FAM135A: variants seen among roughly 807,000 people sequenced by gnomAD.
FAM135A encodes family with sequence similarity 135 member A.
FAM135A carries 79 observed loss-of-function variants against 146.8 expected under a neutral mutation model. The observed-to-expected ratio is 0.54, with a 90% CI of 0.45 to 0.65. The LOEUF (loss-of-function observed/expected upper bound fraction) is 0.65. FAM135A is among the 30% of genes least tolerant of loss of function. FAM135A has a pLI of 0.00. For missense variants in FAM135A, 1,623 were observed against 1,758.2 expected (o/e 0.92, Z 1.38); for synonymous variants, 562 against 603.6 (o/e 0.93, Z 1.01).
In FAM135A at chr6:70,475,520, A is replaced by G. The variant is rs576387755; in HGVS notation, c.268A>G (p.Lys90Glu). Residue 90 changes from lysine to glutamate, a missense_variant, in exon 6 of 22, where the codon AAA becomes GAA. Around this residue, in one of 7 missense-constraint regions of FAM135A, gnomAD observed 171 missense variants for 164.9 expected, o/e 1.04. Coordinates refer to ENST00000418814, the MANE Select transcript of FAM135A (RefSeq NM_001162529.3). Reference protein sequence around the residue: ...EVVLNDVMIFKVKMLLDERKI... With the variant: ...EVVLNDVMIFEVKMLLDERKI... ...TGTTTTAAATGATGTTATGATCTTC[A>G]AAGTAAAAATGCTATTGGATGAAAG... 38 of 1,600,566 alleles carry G rather than the reference A, an allele frequency of 2.4e-5. No homozygotes were observed. In the South Asian group the frequency reaches 4.0e-4, roughly 17 times the overall value.
intron 16 of FAM135A, among the ~76,000 whole-genome samples, chr6:70,532,658 C>G (rs569582117): frequency 1.1e-4 from 16 of 152,326 alleles, no homozygotes; most frequent in African/African-American, 3.4e-4. Flanking sequence ...GTTGGCCAGG[C>G]ACGGTGGCTC....
intron 12 of FAM135A, among the ~76,000 whole-genome samples, chr6:70,519,495 T>A (rs1793059579): frequency 6.6e-6 from 1 of 152,216 alleles, no homozygotes; most frequent in African/African-American, 2.4e-5. Context: ...CTGCATCACA[T>A]GCTAAGGAGA....
intron 12 of FAM135A, among the ~76,000 whole-genome samples, chr6:70,508,252 C>T (rs1048352902): frequency 3.9e-5 from 6 of 152,154 alleles, no homozygotes; most frequent in African/African-American, 1.4e-4. Flanking sequence ...CTAATACGAG[C>T]ATCCTTGAAA....
chr6:70,545,705 A>T (rs928845999), intron 20 of FAM135A, among the ~76,000 whole-genome samples: 1 of 152,230 alleles, frequency 6.6e-6, no homozygotes, highest in African/African-American at 2.4e-5. Context: ...GCTAATACAC[A>T]TGTAACATTT....
In FAM135A at chr6:70,435,434, A is replaced by G. The variant is rs192304312; in HGVS notation, c.77+7015A>G. 2.8e-3 allele frequency among the ~76,000 whole-genome samples: 428 copies of G among 152,256 alleles called. 4 individuals are homozygous for G. The highest frequency in any genetic ancestry group is 2.3e-3 in the Non-Finnish European group (156 of 68,010). On this transcript the variant is annotated intron_variant, in intron 4 of 21. Transcript: ENST00000418814. ...AATTACATTCTTAAATTTTAGTAACATCACAAAACCATGGAACTTAAATCC... is the reference window on the plus strand; with the variant it reads ...AATTACATTCTTAAATTTTAGTAACGTCACAAAACCATGGAACTTAAATCC...
chr6:70,489,394 C>G lies in FAM135A; in HGVS notation c.824-1640C>G, dbSNP rs184087552. Among the ~76,000 whole-genome samples the G allele has an allele frequency of 5.0e-3, 723 of 144,012 alleles. 3 individuals are homozygous for G. Among genetic ancestry groups the G allele is most frequent in the Non-Finnish European group, 8.2e-3 (537 of 65,828 alleles). 94.5% of individuals were successfully genotyped at this position (144,012 alleles called of 152,430 possible). On this transcript the variant is annotated intron_variant, in intron 10 of 21. Coordinates refer to ENST00000418814, the MANE Select transcript of FAM135A (RefSeq NM_001162529.3). ...TTTGGTATATATCAATATCTAAATA[C>G]AATTTACTTGTATATTTTGTGAGTT...
chr6:70,525,048 G>T lies in FAM135A; in HGVS notation c.1964G>T (p.Arg655Ile). 6.3e-7 allele frequency: 1 copy of T among 1,592,438 alleles called. No homozygotes were observed. Among genetic ancestry groups the T allele is most frequent in the Admixed American group, 1.8e-5 (1 of 55,548 alleles). Residue 655 changes from arginine to isoleucine, a missense_variant, in exon 15 of 22, where the codon AGA becomes ATA. By Grantham distance (97) the Arg-to-Ile change is moderately conservative (BLOSUM62 -3). Around this residue, in one of 7 missense-constraint regions of FAM135A, gnomAD observed 1,061 missense variants for 1,113.8 expected, o/e 0.95. Transcript: ENST00000418814. Reference protein sequence around the residue: ...DHQTTPSLGVRTIEIKPSNKD... With the variant: ...DHQTTPSLGVITIEIKPSNKD... ...CAAACAACCCCATCTTTGGGAGTTA[G>T]AACAATTGAAATAAAGCCCAGTAAT...
chr6:70,506,812 T>C (rs749637099), intron 12 of FAM135A, among the ~76,000 whole-genome samples: 1 of 151,720 alleles, frequency 6.6e-6, no homozygotes, highest in Non-Finnish European at 1.5e-5. Context: ...AAAACTATGT[T>C]TTACTAGAGA....
At position 70,524,431 on chromosome 6, in the gene FAM135A, A is replaced by AG; in HGVS notation, c.1348dup (p.Ala450GlyfsTer5). ...AATATGAGACTGAAGAAAGCTCTGT[A>AG]GCAGGACTTTCTAGCCCAGAGTTGA... On this transcript the variant is annotated frameshift_variant, in exon 15 of 22. Coordinates refer to ENST00000418814, the MANE Select transcript of FAM135A (RefSeq NM_001162529.3). LOFTEE classifies it high-confidence loss of function. 1 of 1,545,032 alleles carries AG rather than the reference A, an allele frequency of 6.5e-7. No homozygotes were observed.
At chr6:70,520,723 A>T (rs570598622) in intron 12 of FAM135A, among the ~76,000 whole-genome samples, 4 of 152,260 alleles carry the variant, frequency 2.6e-5, no homozygotes, top group Admixed American at 6.5e-5. Flanking sequence ...TAAATTAAAA[A>T]TTTTTTTCTG....
At chr6:70,559,503 A>G (rs1257620457) in intron 21 of FAM135A, among the ~76,000 whole-genome samples, 1 of 152,170 alleles carries the variant, frequency 6.6e-6, no homozygotes, top group Non-Finnish European at 1.5e-5. Context: ...TGTTATTTCC[A>G]CTTGACTAGA....
chr6:70,441,711 G>A (rs942981462), intron 4 of FAM135A, among the ~76,000 whole-genome samples: 8 of 145,870 alleles, frequency 5.5e-5, no homozygotes, highest in Admixed American at 3.4e-4. Context: ...TTGAGATGGA[G>A]TCTCACTCTG....
rs181326377 is a variant in FAM135A at position 70,423,957 on chromosome 6, T to G, written c.-133-2482T>G. Among the ~76,000 whole-genome samples, 4 of 152,280 alleles carry G rather than the reference T, an allele frequency of 2.6e-5. No individual in the cohort carries two copies. The East Asian group carries it at 7.7e-4, about 29-fold the overall frequency. On this transcript the variant is annotated intron_variant, in intron 2 of 21. Transcript: ENST00000418814. Reference sequence around the variant, plus strand: ...TCCCTCCCACACATACCCAACATATTATAGTGGATCAGAAACAGGAAAACA... The same window carrying G: ...TCCCTCCCACACATACCCAACATATGATAGTGGATCAGAAACAGGAAAACA...
chr6:70,449,752 G>C (rs1776632874), intron 4 of FAM135A, among the ~76,000 whole-genome samples: 1 of 152,042 alleles, frequency 6.6e-6, no homozygotes, highest in African/African-American at 2.4e-5. Flanking sequence ...CTAATATACT[G>C]ATTTCAGTTC....
At position 70,431,130 on chromosome 6, in the gene FAM135A, T is replaced by C. The variant is rs970174726; in HGVS notation, c.77+2711T>C. On this transcript the variant is annotated intron_variant, in intron 4 of 21. Transcript: ENST00000418814. ...AGTTTGGCCCCAGAATTAATGCCAC[T>C]TATTTTAAGTTTTTGTTATGGCACA... Among the ~76,000 whole-genome samples the C allele has an allele frequency of 7.2e-5, 11 of 152,180 alleles. No individual in the cohort carries two copies. The South Asian group carries it at 1.0e-3, about 14-fold the overall frequency.
intron 4 of FAM135A, among the ~76,000 whole-genome samples, chr6:70,447,166 T>G (rs1480977190): frequency 6.6e-6 from 1 of 152,238 alleles, no homozygotes; most frequent in African/African-American, 2.4e-5. Flanking sequence ...CCTTTAAATT[T>G]CTTTCCCTGA....
intron 20 of FAM135A, among the ~76,000 whole-genome samples, chr6:70,545,879 A>G (rs964220033): frequency 6.6e-6 from 1 of 152,226 alleles, no homozygotes; most frequent in Non-Finnish European, 1.5e-5. Context: ...GCATTCGTGC[A>G]TGGTTCACAC....
At chr6:70,442,239 G>GT (rs1264461872) in intron 4 of FAM135A, among the ~76,000 whole-genome samples, 1,477 of 125,876 alleles carry the variant, frequency 0.012, 15 homozygotes, top group East Asian at 0.039. Flanking sequence ...TTCTTCATGG[G>GT]TTTTTTTTTT....
intron 4 of FAM135A, among the ~76,000 whole-genome samples, chr6:70,438,692 C>T (rs1240018061): frequency 1.3e-5 from 2 of 151,990 alleles, no homozygotes; most frequent in African/African-American, 4.8e-5. Flanking sequence ...AGGGAAAAGA[C>T]GAAAGTTCTC....
Sources: allele counts gnomAD v4.1 joint callset (sites outside exome capture counted in the v4.1 genomes callset), GRCh38; gene constraint gnomAD v4.1.1; regional missense constraint gnomAD v4.1.1; transcripts MANE v1.5; gene names NCBI Gene and HGNC (gene_info 2026-07-23, HGNC 2026-07-21).